The following FHIT variants were observed in gnomAD, a reference collection of about 807,000 sequenced individuals.
The protein encoded by FHIT is fragile histidine triad diadenosine triphosphatase.
Under a neutral mutation model 17.9 loss-of-function variants are expected in FHIT, and 19 were observed. That is an observed-to-expected ratio of 1.06 (90% CI 0.74 to 1.56). The LOEUF is 1.56. FHIT is among the 40% of genes most tolerant of loss of function. The pLI is 0.00. For synonymous variants in FHIT, 81 were observed against 69.7 expected (o/e 1.16, Z -0.81); for missense variants, 248 against 189.2 (o/e 1.31, Z -1.82).
chr3:60,038,125 A>C (rs1559571292), intron 5 of FHIT, among the ~76,000 whole-genome samples: 1 of 151,700 alleles, frequency 6.6e-6, no homozygotes, highest in African/African-American at 2.4e-5. Context: ...CTGATAGATT[A>C]GTAGGTTTTC....
intron 5 of FHIT, among the ~76,000 whole-genome samples, chr3:60,067,594 T>G (rs934878575): frequency 1.3e-5 from 2 of 152,202 alleles, no homozygotes; most frequent in African/African-American, 4.8e-5. Context: ...ACAGCTTAAC[T>G]TATCAATTGC....
chr3:60,080,646 T>G (rs1703238971), intron 5 of FHIT: 1 of 151,610 alleles, frequency 6.6e-6, no homozygotes, highest in Non-Finnish European at 1.5e-5. Context: ...AAATTGCCAG[T>G]CTGTCTGAGC....
intron 5 of FHIT, among the ~76,000 whole-genome samples, chr3:60,534,439 C>CAAAAAAAAAAAAAAAAAA (rs563992117): frequency 5.6e-4 from 18 of 32,370 alleles, no homozygotes; most frequent in Middle Eastern, 0.059. Flanking sequence ...GACTCCGTCT[C>CAAAAAAAAAAAAAAAAAA]AAAAAAAAAA....
At chr3:60,998,622 A>C (rs897743403) in intron 3 of FHIT, among the ~76,000 whole-genome samples, 4 of 152,138 alleles carry the variant, frequency 2.6e-5, no homozygotes, top group African/African-American at 9.7e-5. Context: ...TTTTTTCCAC[A>C]AAGAACCTAA....
chr3:60,465,236 G>A (rs536574741), intron 5 of FHIT, among the ~76,000 whole-genome samples: 91 of 150,600 alleles, frequency 6.0e-4, no homozygotes, highest in Middle Eastern at 3.4e-3. Flanking sequence ...TTTTTCCTAT[G>A]GAATTGTTTG....
At chr3:61,001,317 CA>C (rs1413773395) in intron 3 of FHIT, among the ~76,000 whole-genome samples, 2 of 152,136 alleles carry the variant, frequency 1.3e-5, no homozygotes, top group African/African-American at 4.8e-5. Flanking sequence ...GCACTTGTCA[CA>C]GAGAAACGAA....
At chr3:60,927,789 G>A (rs957160947) in intron 3 of FHIT, among the ~76,000 whole-genome samples, 36 of 152,334 alleles carry the variant, frequency 2.4e-4, no homozygotes, top group African/African-American at 8.2e-4. Flanking sequence ...CTGCCCGGCC[G>A]CCAATCCATC....
At chr3:60,437,823 T>C (rs1216348960) in intron 5 of FHIT, among the ~76,000 whole-genome samples, 1 of 152,066 alleles carries the variant, frequency 6.6e-6, no homozygotes, top group Non-Finnish European at 1.5e-5. Context: ...ATGGAGTTAA[T>C]AGGTGTTTGG....
At chr3:61,183,882 C>G (rs930536063) in intron 2 of FHIT, among the ~76,000 whole-genome samples, 8 of 150,902 alleles carry the variant, frequency 5.3e-5, no homozygotes, top group Non-Finnish European at 1.2e-4. Flanking sequence ...GGCAAAGCAT[C>G]ATGGGCAACT....
chr3:60,347,363 G>T (rs564990933), intron 5 of FHIT, among the ~76,000 whole-genome samples: 3 of 152,202 alleles, frequency 2.0e-5, no homozygotes, highest in East Asian at 1.9e-4. Flanking sequence ...TCAACAGACA[G>T]TAAGTTGTCT....
chr3:59,885,045 G>C (rs1273183548), intron 8 of FHIT, among the ~76,000 whole-genome samples: 3 of 152,176 alleles, frequency 2.0e-5, no homozygotes, highest in African/African-American at 7.2e-5. Context: ...CAAAAATGGA[G>C]TGCCAAAACA....
At chr3:60,603,370 T>G in intron 4 of FHIT, among the ~76,000 whole-genome samples, 1 of 152,306 alleles carries the variant, frequency 6.6e-6, no homozygotes, top group Admixed American at 6.5e-5. Flanking sequence ...ATAAAGCAGA[T>G]ATATTATGAT....
intron 2 of FHIT, among the ~76,000 whole-genome samples, chr3:61,198,234 A>G (rs578099366): frequency 6.6e-6 from 1 of 152,232 alleles, no homozygotes; most frequent in Admixed American, 6.5e-5. Context: ...AGAATGGAAA[A>G]TAAGGTTTGG....
At chr3:60,687,163 T>C (rs1446897730) in intron 4 of FHIT, among the ~76,000 whole-genome samples, 1 of 152,212 alleles carries the variant, frequency 6.6e-6, no homozygotes, top group Non-Finnish European at 1.5e-5. Flanking sequence ...GCTCCTCCTA[T>C]TTCTAGCTCA....
intron 5 of FHIT, among the ~76,000 whole-genome samples, chr3:60,036,026 G>C (rs1036749885): frequency 6.6e-5 from 10 of 152,186 alleles, no homozygotes; most frequent in African/African-American, 2.2e-4. Context: ...CTCAAATACT[G>C]TTAGGAACCA....
At chr3:61,002,613 T>A (rs1575821714) in intron 3 of FHIT, among the ~76,000 whole-genome samples, 1 of 151,950 alleles carries the variant, frequency 6.6e-6, no homozygotes, top group Non-Finnish European at 1.5e-5. Flanking sequence ...CCATTCCCTC[T>A]CCCTATCCCC....
At chr3:60,668,464 C>T (rs550854406) in intron 4 of FHIT, among the ~76,000 whole-genome samples, 1 of 150,216 alleles carries the variant, frequency 6.7e-6, no homozygotes, top group Non-Finnish European at 1.5e-5. Flanking sequence ...AGGAAACACT[C>T]GGTCTAGGTG....
chr3:60,887,094 CT>C (rs1393884671), intron 3 of FHIT, among the ~76,000 whole-genome samples: 1 of 152,150 alleles, frequency 6.6e-6, no homozygotes, highest in East Asian at 1.9e-4. Flanking sequence ...AAATTTGTCT[CT>C]CCTGACAAAG....
At chr3:59,997,708 G>A (rs919466036) in intron 7 of FHIT, among the ~76,000 whole-genome samples, 4 of 152,168 alleles carry the variant, frequency 2.6e-5, no homozygotes, top group Non-Finnish European at 4.4e-5. Context: ...CTCTAGTAAT[G>A]TAATGACCTT....
Sources: allele counts gnomAD v4.1 joint callset (sites outside exome capture counted in the v4.1 genomes callset), GRCh38; gene constraint gnomAD v4.1.1; transcripts MANE v1.5; gene names NCBI Gene and HGNC (gene_info 2026-07-23, HGNC 2026-07-21).